Variants in NLGN1 observed in about 807,000 individuals in gnomAD.
NLGN1 encodes the protein neuroligin 1.
NLGN1 carries 12 observed loss-of-function variants against 65.5 expected under a neutral mutation model. The ratio of observed to expected loss-of-function variants is 0.18; its 90% CI spans 0.12 to 0.30. NLGN1 has a LOEUF of 0.30. NLGN1 is among the 10% of genes least tolerant of loss of function. The probability of loss-of-function intolerance (pLI) is 1.00; values close to 1 mark genes in which losing one functional copy is unlikely to be tolerated. For synonymous variants in NLGN1, 350 were observed against 359.5 expected, an observed-to-expected ratio of 0.97 and a Z score of 0.30; for missense variants, 750 against 1,007.1, an observed-to-expected ratio of 0.74 and a Z score of 3.46.
chr3:173,545,446 G>A (rs747459986), intron 2 of NLGN1, among the ~76,000 whole-genome samples: 24 of 152,118 alleles, frequency 1.6e-4, no homozygotes, highest in Non-Finnish European at 3.4e-4. Flanking sequence ...GTACATTTCA[G>A]AAAACTTACA....
At chr3:173,889,628 A>G (rs1337133422) in intron 4 of NLGN1, among the ~76,000 whole-genome samples, 2 of 152,270 alleles carry the variant, frequency 1.3e-5, no homozygotes, top group African/African-American at 2.4e-5. Flanking sequence ...GAAAGTACCT[A>G]TGGAGGTTGA....
chr3:173,858,513 C>G (rs1328303904), intron 4 of NLGN1, among the ~76,000 whole-genome samples: 1 of 151,938 alleles, frequency 6.6e-6, no homozygotes, highest in African/African-American at 2.4e-5. Context: ...GGGTGCCTTG[C>G]CATTTGGATA....
intron 3 of NLGN1, among the ~76,000 whole-genome samples, chr3:173,665,269 G>C (rs1761535752): frequency 2.0e-5 from 3 of 152,058 alleles, no homozygotes; most frequent in African/African-American, 7.2e-5. Flanking sequence ...TGGTTTTATA[G>C]GGGACTTTTC....
intron 4 of NLGN1, among the ~76,000 whole-genome samples, chr3:174,251,994 CA>C (rs1744854930): frequency 6.6e-6 from 1 of 152,032 alleles, no homozygotes; most frequent in African/African-American, 2.4e-5. Flanking sequence ...TAGTTTATAA[CA>C]AAACCTTTTT....
At chr3:173,905,858 A>G (rs1049138194) in intron 4 of NLGN1, among the ~76,000 whole-genome samples, 10 of 152,152 alleles carry the variant, frequency 6.6e-5, no homozygotes, top group Admixed American at 3.9e-4. Flanking sequence ...ATAAAAATCT[A>G]TTTCATCAGC....
Position 173,707,663 on chromosome 3 carries a change from A to G in NLGN1, c.494-100017A>G, listed in dbSNP as rs569234927. Among the ~76,000 whole-genome samples, 104 of 152,282 alleles carry G rather than the reference A, an allele frequency of 6.8e-4. 1 individual carries two copies. Among genetic ancestry groups the G allele is most frequent in the African/African-American group, 2.4e-3 (99 of 41,566 alleles). Reference sequence around the variant, plus strand: ...AGATGTAAATTTTGTGACCATATGCATCCATCAGAAATTATTTAGTGAAAA... The same window carrying G: ...AGATGTAAATTTTGTGACCATATGCGTCCATCAGAAATTATTTAGTGAAAA... On this transcript the variant is annotated intron_variant, in intron 3 of 6. Transcript: ENST00000457714.
intron 3 of NLGN1, among the ~76,000 whole-genome samples, chr3:173,743,964 T>A (rs1775007314): frequency 6.6e-6 from 1 of 152,144 alleles, no homozygotes; most frequent in Non-Finnish European, 1.5e-5. Context: ...ACTTTTTAAA[T>A]TTAAAATGAC....
intron 4 of NLGN1, among the ~76,000 whole-genome samples, chr3:173,821,404 T>A (rs1720269970): frequency 6.6e-6 from 1 of 152,128 alleles, no homozygotes; most frequent in Non-Finnish European, 1.5e-5. Context: ...AAGAGATGAG[T>A]TTATTCCTAT....
the NLGN1 span, among the ~76,000 whole-genome samples, chr3:174,293,117 T>A: frequency 6.6e-6 from 1 of 151,492 alleles, no homozygotes; most frequent in Non-Finnish European, 1.5e-5. Flanking sequence ...GGAAGAACGA[T>A]TCAGTAATAA....
intron 4 of NLGN1, among the ~76,000 whole-genome samples, chr3:174,201,894 T>C (rs1388191603): frequency 1.3e-5 from 2 of 152,208 alleles, no homozygotes; most frequent in Non-Finnish European, 2.9e-5. Context: ...AAGTTTCTTA[T>C]TGAAGGCAGA....
intron 4 of NLGN1, among the ~76,000 whole-genome samples, chr3:174,006,235 A>G (rs777802607): frequency 6.6e-6 from 1 of 152,028 alleles, no homozygotes; most frequent in Non-Finnish European, 1.5e-5. Context: ...CTCAATTTCT[A>G]TTTTCCAGAC....
At position 173,968,687 on chromosome 3, in the gene NLGN1, CTTTTTTTTTTT is replaced by C. The variant is rs34662762; in HGVS notation, c.646+160874_646+160884del. 3.4e-4 allele frequency among the ~76,000 whole-genome samples: 20 copies of C among 59,476 alleles called. No individual in the cohort carries two copies. In the Admixed American group the frequency reaches 4.0e-3, roughly 12 times the overall value. The allele number at this position is 59,476 out of a possible 152,430, so 39.0% of individuals were successfully genotyped here. On this transcript the variant is annotated intron_variant, in intron 4 of 6. Transcript: ENST00000457714. The stretch of plus-strand genomic sequence containing the variant: ...ACACCCCACAATTACTGAAAATAAT[CTTTTTTTTTTT>C]TTTTTTTTTTTTTTTTTTGAGATGG...
At chr3:173,933,098 A>G (rs1345130121) in intron 4 of NLGN1, among the ~76,000 whole-genome samples, 1 of 152,138 alleles carries the variant, frequency 6.6e-6, no homozygotes, top group Non-Finnish European at 1.5e-5. Context: ...AGAAAGTAGG[A>G]GAGGCCTCAG....
intron 4 of NLGN1, among the ~76,000 whole-genome samples, chr3:174,177,633 G>A (rs771326960): frequency 2.6e-4 from 39 of 152,054 alleles, no homozygotes; most frequent in South Asian, 6.2e-4. Flanking sequence ...TCATTTGGAC[G>A]CCAACTAAAG....
chr3:173,504,720 G>A (rs1195847694), intron 2 of NLGN1, among the ~76,000 whole-genome samples: 2 of 151,980 alleles, frequency 1.3e-5, no homozygotes, highest in Admixed American at 1.3e-4. Context: ...ATCACTTGAT[G>A]TCACCATTCA....
intron 2 of NLGN1, among the ~76,000 whole-genome samples, chr3:173,560,952 G>A (rs1205767887): frequency 3.3e-5 from 5 of 152,062 alleles, no homozygotes; most frequent in Admixed American, 6.6e-5. Flanking sequence ...ATATTACTAT[G>A]TTTAACTGAA....
At position 174,218,563 on chromosome 3, in the gene NLGN1, G is replaced by T. The variant is rs554804233; in HGVS notation, c.647-56752G>T. ...AACCTCACCTCATAATGGTATTATA[G>T]TTAAGGTCCGTGCAGCAGATCCCCT... On this transcript the variant is annotated intron_variant, in intron 4 of 6. Coordinates refer to ENST00000457714, the Ensembl canonical transcript of NLGN1. Among the ~76,000 whole-genome samples, 4 of 152,110 alleles carry T rather than the reference G, an allele frequency of 2.6e-5. No homozygotes were observed. In the East Asian group the frequency reaches 7.7e-4, roughly 29 times the overall value.
intron 1 of NLGN1, among the ~76,000 whole-genome samples, chr3:173,421,497 T>C (rs1305515686): frequency 6.6e-6 from 1 of 151,354 alleles, no homozygotes; most frequent in Non-Finnish European, 1.5e-5. Flanking sequence ...AGGATCAATT[T>C]TATAATAATA....
intron 4 of NLGN1, among the ~76,000 whole-genome samples, chr3:174,157,686 C>T (rs1032731013): frequency 2.6e-5 from 4 of 151,634 alleles, no homozygotes; most frequent in African/African-American, 4.8e-5. Context: ...TACTTGCAAC[C>T]TTAACCTCTT....
Sources: gnomAD v4.1 joint callset for allele counts (sites outside exome capture counted in the v4.1 genomes callset) on GRCh38, gnomAD v4.1.1 for gene constraint, MANE v1.5 for transcripts, NCBI Gene and HGNC (gene_info 2026-07-23, HGNC 2026-07-21) for gene names.